Variants in INPP5B observed in about 807,000 individuals in gnomAD.
The protein encoded by INPP5B is type II inositol 1,4,5-trisphosphate 5-phosphatase.
Under a neutral mutation model 118.5 loss-of-function variants are expected in INPP5B, and 90 were observed. The ratio of observed to expected loss-of-function variants is 0.76; its 90% CI spans 0.64 to 0.90. The LOEUF (loss-of-function observed/expected upper bound fraction) is 0.90. Among genes scored for constraint, INPP5B ranks in the 40% least tolerant of loss-of-function variants. The probability of loss-of-function intolerance (pLI) is 0.00; values close to 1 mark genes in which losing one functional copy is unlikely to be tolerated. For missense variants in INPP5B, 984 were observed against 1,125.6 expected (o/e 0.87, Z 1.80); for synonymous variants, 385 against 418.9 (o/e 0.92, Z 0.99).
At chr1:37,904,964 A>G (rs1353455121) in intron 7 of INPP5B, among the ~76,000 whole-genome samples, 1 of 152,226 alleles carries the variant, frequency 6.6e-6, no homozygotes, top group Non-Finnish European at 1.5e-5. Context: ...AGATTTGTCT[A>G]TAAGGTTTTA....
intron 7 of INPP5B, among the ~76,000 whole-genome samples, chr1:37,922,613 A>G (rs1186495592): frequency 6.6e-6 from 1 of 151,972 alleles, no homozygotes; most frequent in Non-Finnish European, 1.5e-5. Context: ...GAAGAATGGC[A>G]TGAACCCAGG....
chr1:37,882,667 G>C, intron 14 of INPP5B, 140 bp downstream of exon 14: 1 of 632,934 alleles, frequency 1.6e-6, no homozygotes, highest in Non-Finnish European at 2.8e-6. Context: ...ATGAAATGAA[G>C]AAATGACTGG....
At chr1:37,864,257 C>A in intron 23 of INPP5B, 55 bp downstream of exon 23, 1 of 973,290 alleles carries the variant, frequency 1.0e-6, no homozygotes, top group South Asian at 1.4e-5. Flanking sequence ...CCTCATTTCT[C>A]ATTACGAGTC....
intron 14 of INPP5B, among the ~76,000 whole-genome samples, chr1:37,880,905 T>G (rs1643161280): frequency 6.6e-6 from 1 of 152,200 alleles, no homozygotes; most frequent in African/African-American, 2.4e-5. Flanking sequence ...AAAAATCTTT[T>G]AGAGGCAGGG....
chr1:37,921,931 T>C (rs6422654), intron 7 of INPP5B, among the ~76,000 whole-genome samples: 89,817 of 151,872 alleles, frequency 0.59, 28,381 homozygotes, highest in Non-Finnish European at 0.71. Context: ...ACTCAGGAGG[T>C]TGAGGCAGGA....
At chr1:37,923,230 A>G (rs1645115824) in intron 7 of INPP5B, among the ~76,000 whole-genome samples, 2 of 152,228 alleles carry the variant, frequency 1.3e-5, no homozygotes, top group African/African-American at 4.8e-5. Flanking sequence ...AAAATGCTAA[A>G]AGCAGCAAGT....
At position 37,885,799 on chromosome 1, in the gene INPP5B, C is replaced by G. The variant is rs772615679; in HGVS notation, c.1158G>C (p.Arg386Ser). The G allele has an allele frequency of 3.7e-6, 6 of 1,614,028 alleles. No individual in the cohort carries two copies. In the African/African-American group the frequency reaches 6.7e-5, roughly 18 times the overall value. The change falls in exon 13 of 24, where the codon AGG (arginine) becomes AGC (serine). Residue 386 changes from arginine (R) to serine (S), a missense_variant. Arg to Ser is a moderately radical substitution (Grantham distance 110). Around this residue, in one of 2 missense-constraint regions of INPP5B, gnomAD observed 634 missense variants for 791.0 expected, o/e 0.80. Transcript: ENST00000373024. ...RMGNKGGVAI[R>S]FQFHNTSICV... ...AGATGCTGGTGTTGTGGAACTGGAA[C>G]CTGATCGCCACGCCTCCCTTGTTGC...
At position 37,893,551 on chromosome 1, in the gene INPP5B, A is replaced by T. The variant is rs148052006; in HGVS notation, c.533-2097T>A. 4.6e-3 allele frequency among the ~76,000 whole-genome samples: 695 copies of T among 152,272 alleles called. 3 individuals are homozygous for T. The highest frequency in any genetic ancestry group is 8.3e-3 in the Non-Finnish European group (563 of 68,014). ...GTCACTGTGCTAGTCTAGGTTACCA[A>T]CATCTCCCCTGAATGACTATAAAAG... On this transcript the variant is annotated intron_variant, in intron 7 of 23. Transcript: ENST00000373024.
At chr1:37,883,892 T>C (rs1343822487) in intron 13 of INPP5B, 3 of 967,504 alleles carry the variant, frequency 3.1e-6, no homozygotes, top group Non-Finnish European at 3.7e-6. Flanking sequence ...TGGCGTATGT[T>C]ATCATAAAGT....
chr1:37,864,448 G>A lies in INPP5B; in HGVS notation c.2515-25C>T, dbSNP rs938213437. The A allele has an allele frequency of 5.1e-6, 7 of 1,384,936 alleles. No individual in the cohort carries two copies. The African/African-American group carries it at 1.0e-4, about 20-fold the overall frequency. The allele number at this position is 1,384,936 out of a possible 1,614,324, so 85.8% of individuals were successfully genotyped here. Reference sequence around the variant, plus strand: ...CCTGAAAGAGGAAGAACCGGGATTTGTCTTTTGTTCACTGAATCATTTCTC... The same window carrying A: ...CCTGAAAGAGGAAGAACCGGGATTTATCTTTTGTTCACTGAATCATTTCTC... On this transcript the variant is annotated intron_variant, in intron 22 of 23. Coordinates refer to ENST00000373024, the MANE Select transcript of INPP5B (RefSeq NM_005540.3).
intron 7 of INPP5B, among the ~76,000 whole-genome samples, chr1:37,904,921 A>G (rs1234549256): frequency 6.6e-6 from 1 of 152,084 alleles, no homozygotes; most frequent in Non-Finnish European, 1.5e-5. Context: ...GTTAATGAAA[A>G]TCTTACCTTA....
rs565279842 is a variant in INPP5B at position 37,903,353 on chromosome 1, T to C, written c.533-11899A>G. Among the ~76,000 whole-genome samples the C allele has an allele frequency of 3.3e-5, 5 of 152,288 alleles. No homozygotes were observed. The South Asian group carries it at 8.3e-4, about 25-fold the overall frequency. The stretch of plus-strand genomic sequence containing the variant: ...TGACAGTTTACAAATGCCATGGCAA[T>C]GTCAGGAACTTACCCTATATGGTCT... On this transcript the variant is annotated intron_variant, in intron 7 of 23. Transcript: ENST00000373024.
At chr1:37,936,721 CTTTT>C (rs1186118337) in intron 6 of INPP5B, among the ~76,000 whole-genome samples, 1 of 136,094 alleles carries the variant, frequency 7.3e-6, no homozygotes, top group Non-Finnish European at 1.6e-5. Context: ...TGGAGCAGAA[CTTTT>C]TTTTTTTTTT....
chr1:37,923,219 C>A (rs1645115699), intron 7 of INPP5B, among the ~76,000 whole-genome samples: 1 of 152,062 alleles, frequency 6.6e-6, no homozygotes, highest in Non-Finnish European at 1.5e-5. Flanking sequence ...AGAGAGAATG[C>A]AAAATGCTAA....
At position 37,861,540 on chromosome 1, in the gene INPP5B, A is replaced by C. The variant is rs2148432266; in HGVS notation, c.*775T>G. On this transcript the variant is annotated 3_prime_UTR_variant, in exon 24 of 24. Transcript: ENST00000373024. ...CAGGCATTCGAGACCAGCCTGGCCA[A>C]CATGGTGAAACCGTGTCTATACTAA... 1 of 152,384 alleles carries C rather than the reference A, an allele frequency of 6.6e-6. No homozygotes were observed. The highest frequency in any genetic ancestry group is 6.5e-5 in the Admixed American group (1 of 15,298). The allele number at this position is 152,384 out of a possible 1,614,324, so 9.4% of individuals were successfully genotyped here.
chr1:37,862,543 A>C (rs922212006), intron 23 of INPP5B, 113 bp from the exon 24 acceptor site: 11 of 717,752 alleles, frequency 1.5e-5, no homozygotes, highest in Non-Finnish European at 2.2e-5. Flanking sequence ...TGATTTCATC[A>C]TTGTGCAAAC....
intron 13 of INPP5B, chr1:37,883,958 A>G: frequency 1.6e-6 from 1 of 619,142 alleles, no homozygotes; most frequent in South Asian, 7.1e-5. Context: ...GATAAATGAG[A>G]TAAAGTAAAG....
chr1:37,941,958 A>AAAAAAAATATAT (rs1427344681), intron 5 of INPP5B: 1 of 30,392 alleles, frequency 3.3e-5, no homozygotes, highest in African/African-American at 1.5e-4. Context: ...AAAAAAAAAA[A>AAAAAAAATATAT]ATATATATAT....
chr1:37,895,720 G>T (rs1644011446), intron 7 of INPP5B, among the ~76,000 whole-genome samples: 1 of 152,134 alleles, frequency 6.6e-6, no homozygotes, highest in Non-Finnish European at 1.5e-5. Flanking sequence ...TCGCTGTGTT[G>T]GCCGGGCTGG....
Sources: allele counts gnomAD v4.1 joint callset (sites outside exome capture counted in the v4.1 genomes callset), GRCh38; gene constraint gnomAD v4.1.1; regional missense constraint gnomAD v4.1.1; transcripts MANE v1.5; gene names NCBI Gene and HGNC (gene_info 2026-07-23, HGNC 2026-07-21).